Variants in PLVAP observed in about 807,000 individuals in gnomAD.
The protein encoded by PLVAP is plasmalemma vesicle associated protein, also known as plasmalemma vesicle-associated protein.
PLVAP carries 34 observed loss-of-function variants against 43.1 expected under a neutral mutation model. That is an observed-to-expected ratio of 0.79 (90% CI 0.60 to 1.05). The LOEUF (loss-of-function observed/expected upper bound fraction) is 1.05, where lower values mean the gene tolerates loss of function less well. Among genes scored for constraint, PLVAP ranks in the 50% least tolerant of loss-of-function variants. The probability of loss-of-function intolerance (pLI) is 0.00; values close to 1 mark genes in which losing one functional copy is unlikely to be tolerated. For synonymous variants in PLVAP, 241 were observed against 237.3 expected, an observed-to-expected ratio of 1.02 and a Z score of -0.14; for missense variants, 574 against 593.4, an observed-to-expected ratio of 0.97 and a Z score of 0.34.
At chr19:17,352,765 C>T (rs535851671) in intron 5 of PLVAP, among the ~76,000 whole-genome samples, 1 of 152,232 alleles carries the variant, frequency 6.6e-6, no homozygotes, top group Non-Finnish European at 1.5e-5. Flanking sequence ...CTCCCCCAGA[C>T]CCCTACACTG....
intron 4 of PLVAP, 81 bp from the exon 5 acceptor site, chr19:17,360,690 G>A (rs2074524431): frequency 1.3e-6 from 2 of 1,578,606 alleles, no homozygotes; most frequent in Admixed American, 1.7e-5. Flanking sequence ...GGCAGCCCAG[G>A]GGAGTGGGAA....
chr19:17,364,915 G>A (rs1419806835), intron 3 of PLVAP, among the ~76,000 whole-genome samples: 2 of 151,824 alleles, frequency 1.3e-5, no homozygotes, highest in African/African-American at 4.8e-5. Flanking sequence ...TGGGATTACA[G>A]GTGCCCGCCA....
In PLVAP at chr19:17,365,467, T is replaced by C. The variant is rs1300363507; in HGVS notation, c.998A>G (p.Glu333Gly). ...QKVEKEAQAR[E>G]AKLQAECSRQ... ...GGAGCATTCAGCTTGGAGCTTGGCC[T>C]CCCGGGCCTGAGCCTCCTTCTCCAC... The change falls in exon 3 of 6, where the codon GAG (glutamate) becomes GGG (glycine). Residue 333 changes from glutamate to glycine, a missense_variant. Physicochemically the swap from Glu to Gly is moderately conservative, Grantham distance 98. Transcript: ENST00000252590. 11 of 1,612,898 alleles carry C rather than the reference T, an allele frequency of 6.8e-6. No individual in the cohort carries two copies. The highest frequency in any genetic ancestry group is 9.3e-6 in the Non-Finnish European group (11 of 1,180,038).
chr19:17,354,391 G>GT (rs1259770130), intron 5 of PLVAP, among the ~76,000 whole-genome samples: 1 of 151,990 alleles, frequency 6.6e-6, no homozygotes. Flanking sequence ...GAGGTCAGGA[G>GT]TTTAAGACCA....
intron 1 of PLVAP, among the ~76,000 whole-genome samples, chr19:17,366,603 T>C (rs958148936): frequency 4.6e-5 from 7 of 151,408 alleles, no homozygotes; most frequent in African/African-American, 1.7e-4. Flanking sequence ...AAATATTACA[T>C]CCACATTTAT....
At chr19:17,354,375 T>A (rs187156518) in intron 5 of PLVAP, among the ~76,000 whole-genome samples, 5 of 152,102 alleles carry the variant, frequency 3.3e-5, no homozygotes, top group African/African-American at 1.2e-4. Context: ...GGTGGGCGGA[T>A]CACCTGAGGT....
chr19:17,370,784 C>T lies in PLVAP; in HGVS notation c.370-4589G>A, dbSNP rs1015043998. On this transcript the variant is annotated intron_variant, in intron 1 of 5. Transcript: ENST00000252590. ...AAAAAATCATCAAATTGGCTGGGCG[C>T]GGTGGCTCACGCCTGTAATCTCAGC... 1.3e-4 allele frequency among the ~76,000 whole-genome samples: 20 copies of T among 152,194 alleles called. No individual in the cohort carries two copies. In the South Asian group the frequency reaches 3.5e-3, roughly 27 times the overall value.
chr19:17,358,276 AAAAAAG>A lies in PLVAP; in HGVS notation c.1322+2246_1322+2251del, dbSNP rs1249266154. 2.0e-5 allele frequency among the ~76,000 whole-genome samples: 3 copies of A among 151,330 alleles called. No individual in the cohort carries two copies. The East Asian group carries it at 5.8e-4, about 29-fold the overall frequency. ...GAGGGTATGCAAGAAGGAAAAAAAA[AAAAAAG>A]AAGAAGAGGTGGAAATGGAGCTGGA... On this transcript the variant is annotated intron_variant, in intron 5 of 5. Transcript: ENST00000252590.
At chr19:17,360,653 C>A in intron 4 of PLVAP, 44 bp from the exon 5 acceptor site, 2 of 1,589,420 alleles carry the variant, frequency 1.3e-6, no homozygotes, top group East Asian at 2.2e-5. Flanking sequence ...GCTTCAGTTG[C>A]CCCTGCCCCT....
chr19:17,372,653 T>TCAC (rs890825143), intron 1 of PLVAP, among the ~76,000 whole-genome samples: 6 of 148,758 alleles, frequency 4.0e-5, no homozygotes, highest in African/African-American at 1.5e-4. Context: ...AGACGGGGTT[T>TCAC]CACTGTGTTA....
In PLVAP at chr19:17,377,032, T is replaced by C; in HGVS notation, c.257A>G (p.Lys86Arg). Residue 86 changes from lysine to arginine, a missense_variant, in exon 1 of 6, where the codon AAG becomes AGG. Physicochemically the swap from Lys to Arg is conservative, Grantham distance 26 (BLOSUM62 2). Coordinates refer to ENST00000252590, the MANE Select transcript of PLVAP (RefSeq NM_031310.3). ...GLTASQSNLT[K>R]ELNFTTRAKD... ...GGCGCGGGTGGTGAAGTTGAGCTCC[T>C]TGGTCAAGTTGGACTGGGAGGCCGT... 1.9e-6 allele frequency: 3 copies of C among 1,614,098 alleles called. No individual in the cohort carries two copies. Among genetic ancestry groups the C allele is most frequent in the Non-Finnish European group, 2.5e-6 (3 of 1,180,030 alleles).
intron 1 of PLVAP, among the ~76,000 whole-genome samples, chr19:17,373,830 C>G (rs1474272097): frequency 6.6e-6 from 1 of 152,104 alleles, no homozygotes; most frequent in African/African-American, 2.4e-5. Flanking sequence ...AAGTCACCTC[C>G]CCTCTCATGC....
chr19:17,353,379 G>C (rs2074493780), intron 5 of PLVAP, among the ~76,000 whole-genome samples: 1 of 152,122 alleles, frequency 6.6e-6, no homozygotes. Flanking sequence ...ACAGTGACCA[G>C]AGGAACTTGT....
At chr19:17,354,381 G>A (rs73513968) in intron 5 of PLVAP, among the ~76,000 whole-genome samples, 19,687 of 151,842 alleles carry the variant, frequency 0.13, 2,031 homozygotes, top group African/African-American at 0.28. Context: ...CGGATCACCT[G>A]AGGTCAGGAG....
At position 17,377,306 on chromosome 19, in the gene PLVAP, C is replaced by G. The variant is rs1407898348; in HGVS notation, c.-18G>C. 3 of 1,588,838 alleles carry G rather than the reference C, an allele frequency of 1.9e-6. No homozygotes were observed. Among genetic ancestry groups the G allele is most frequent in the Non-Finnish European group, 2.6e-6 (3 of 1,163,062 alleles). On this transcript the variant is annotated 5_prime_UTR_variant, in exon 1 of 6. Coordinates refer to ENST00000252590, the MANE Select transcript of PLVAP (RefSeq NM_031310.3). ...AGACCCATTTGCTCGATCCCGCCGT[C>G]CGGTGCACCGTCCCTGCTCACCACC...
At chr19:17,368,633 A>C (rs116063629) in intron 1 of PLVAP, among the ~76,000 whole-genome samples, 427 of 152,262 alleles carry the variant, frequency 2.8e-3, no homozygotes, top group African/African-American at 1.0e-2. Context: ...GGACAGAAGG[A>C]AGACCAAGAG....
chr19:17,375,013 G>C (rs1231188642), intron 1 of PLVAP, among the ~76,000 whole-genome samples: 1 of 152,054 alleles, frequency 6.6e-6, no homozygotes, highest in African/African-American at 2.4e-5. Context: ...GTACAGACGG[G>C]GTTTCACTAG....
intron 5 of PLVAP, among the ~76,000 whole-genome samples, chr19:17,358,862 C>A (rs532470523): frequency 6.6e-6 from 1 of 151,642 alleles, no homozygotes; most frequent in African/African-American, 2.4e-5. Context: ...TGCAGGGATG[C>A]GATCTTGGCT....
At chr19:17,362,828 A>G (rs184024643) in intron 3 of PLVAP, 2 of 152,342 alleles carry the variant, frequency 1.3e-5, no homozygotes, top group African/African-American at 4.8e-5. Flanking sequence ...TCAGCTCCAG[A>G]TACAGCAGTG....
Sources: allele counts gnomAD v4.1 joint callset (sites outside exome capture counted in the v4.1 genomes callset), GRCh38; gene constraint gnomAD v4.1.1; transcripts MANE v1.5; gene names NCBI Gene and HGNC (gene_info 2026-07-23, HGNC 2026-07-21).